Variants in PDS5B observed in about 807,000 individuals in gnomAD.
PDS5B encodes the protein PDS5 cohesin associated factor B, also known as sister chromatid cohesion protein PDS5 homolog B.
Under a neutral mutation model 184.1 loss-of-function variants are expected in PDS5B, and 51 were observed. The ratio of observed to expected loss-of-function variants is 0.28; its 90% CI spans 0.22 to 0.35. The LOEUF (loss-of-function observed/expected upper bound fraction) is 0.35. Among genes scored for constraint, PDS5B ranks in the 10% least tolerant of loss-of-function variants. The pLI is 1.00. For missense variants in PDS5B, 1,180 were observed against 1,723.3 expected (o/e 0.68, Z 5.58); for synonymous variants, 566 against 569.2 (o/e 0.99, Z 0.08).
intron 13 of PDS5B, 124 bp from the exon 14 acceptor site, chr13:32,694,099 G>A (rs966410588): frequency 1.5e-6 from 1 of 647,226 alleles, no homozygotes; most frequent in Non-Finnish European, 2.7e-6. Context: ...GCTTAGTCCT[G>A]TGAATTTCAT....
At chr13:32,698,847 G>A (rs773029485) in intron 15 of PDS5B, among the ~76,000 whole-genome samples, 5 of 151,356 alleles carry the variant, frequency 3.3e-5, no homozygotes, top group Non-Finnish European at 5.9e-5. Flanking sequence ...TCCGCCTCCC[G>A]GGTTCAAGCA....
rs9591244 is a variant in PDS5B, at chr13:32,688,349, G to A, written c.1356-107G>A. ...TGGAAATCTCATTTCCACTTAGAGCGGCAGGAACTTCTTTAATATATGTTC... is the reference window on the plus strand; with the variant it reads ...TGGAAATCTCATTTCCACTTAGAGCAGCAGGAACTTCTTTAATATATGTTC... On this transcript the variant is annotated intron_variant, in intron 12 of 34. Transcript: ENST00000315596. 2,773 of 563,922 alleles carry A rather than the reference G, an allele frequency of 4.9e-3. 52 individuals carry two copies. The highest frequency in any genetic ancestry group is 0.042 in the African/African-American group (2,229 of 52,682). The allele number at this position is 563,922 out of a possible 1,614,324, so 34.9% of individuals were successfully genotyped here.
chr13:32,607,500 G>C (rs1047802354), intron 1 of PDS5B, among the ~76,000 whole-genome samples: 1 of 152,172 alleles, frequency 6.6e-6, no homozygotes, highest in Admixed American at 6.5e-5. Flanking sequence ...TAGGCTACTC[G>C]GGGGTCAGGG....
intron 1 of PDS5B, among the ~76,000 whole-genome samples, chr13:32,621,829 T>A (rs1054807120): frequency 6.6e-6 from 1 of 152,218 alleles, no homozygotes; most frequent in African/African-American, 2.4e-5. Context: ...GTTGCTTTAG[T>A]GCTATAAATG....
Position 32,758,525 on chromosome 13 carries a change from C to T in PDS5B, c.3190-9C>T, listed in dbSNP as rs370824334. The T allele has an allele frequency of 2.5e-6, 4 of 1,604,310 alleles. No homozygotes were observed. The highest frequency in any genetic ancestry group is 1.7e-4 in the Middle Eastern group (1 of 6,020). On this transcript the variant is annotated splice_polypyrimidine_tract_variant and intron_variant, in intron 27 of 34. Coordinates refer to ENST00000315596, the MANE Select transcript of PDS5B (RefSeq NM_015032.4). ...AAGTATCTGTGTTTTTAAAAATATACTATTGCAGAAACTGTACACTGTGTG... is the reference window on the plus strand; with the variant it reads ...AAGTATCTGTGTTTTTAAAAATATATTATTGCAGAAACTGTACACTGTGTG...
chr13:32,711,405 T>G (rs961021908), intron 19 of PDS5B, among the ~76,000 whole-genome samples: 1 of 151,812 alleles, frequency 6.6e-6, no homozygotes. Context: ...TCACCCAGGT[T>G]AGAGTGCTGT....
intron 6 of PDS5B, among the ~76,000 whole-genome samples, chr13:32,665,524 G>A (rs995144660): frequency 7.5e-6 from 1 of 133,506 alleles, no homozygotes; most frequent in Non-Finnish European, 1.5e-5. Flanking sequence ...GGGAGGCAGA[G>A]CTTGCAGTGA....
intron 19 of PDS5B, among the ~76,000 whole-genome samples, chr13:32,729,799 CT>C (rs1953040931): frequency 2.7e-5 from 4 of 150,298 alleles, no homozygotes; most frequent in African/African-American, 9.8e-5. Context: ...TTGTTTTTTT[CT>C]TGTAAATTCG....
At position 32,667,834 on chromosome 13, in the gene PDS5B, A is replaced by G. The variant is rs755854224; in HGVS notation, c.695A>G (p.Tyr232Cys). The change falls in exon 7 of 35, where the codon TAT (tyrosine) becomes TGT (cysteine). Residue 232 changes from tyrosine to cysteine, a missense_variant. Transcript: ENST00000315596. ...AGGACAGCTCAAGCTATTGAGCCAT[A>G]TATTACCAATGTAAGTCTTACTTGT... ...LKRTAQAIEP[Y>C]ITNFFNQVLM... is the part of the protein sequence containing the mutation. 1 of 1,563,946 alleles carries G rather than the reference A, an allele frequency of 6.4e-7. No individual in the cohort carries two copies. Among genetic ancestry groups the G allele is most frequent in the Non-Finnish European group, 8.7e-7 (1 of 1,152,122 alleles).
intron 1 of PDS5B, among the ~76,000 whole-genome samples, chr13:32,618,030 G>A (rs2058244130): frequency 6.6e-6 from 1 of 152,172 alleles, no homozygotes; most frequent in Non-Finnish European, 1.5e-5. Flanking sequence ...GAATGATGCT[G>A]TGTTCTCATA....
chr13:32,673,246 ACAT>A lies in PDS5B; in HGVS notation c.738_740del (p.Ser247del). On this transcript the variant is annotated inframe_deletion, in exon 8 of 35. Coordinates refer to ENST00000315596, the MANE Select transcript of PDS5B (RefSeq NM_015032.4). ...TAATCAGGTTCTGATGCTTGGGAAA[ACAT>A]CTATCAGCGATTTGTCAGAGCATGT... The A allele has an allele frequency of 6.2e-7, 1 of 1,613,240 alleles. No homozygotes were observed. Among genetic ancestry groups the A allele is most frequent in the Non-Finnish European group, 8.5e-7 (1 of 1,179,682 alleles).
intron 19 of PDS5B, among the ~76,000 whole-genome samples, chr13:32,718,292 AGG>A (rs1421938040): frequency 1.1e-4 from 16 of 152,130 alleles, no homozygotes; most frequent in Non-Finnish European, 1.5e-5. Context: ...CTGGGACTAC[AGG>A]CGCCCGCCAC....
intron 7 of PDS5B, among the ~76,000 whole-genome samples, chr13:32,672,392 CAT>C (rs141412398): frequency 0.01 from 1,571 of 152,050 alleles, 36 homozygotes; most frequent in African/African-American, 0.035. Flanking sequence ...TACAGACACA[CAT>C]ATACATATAT....
Position 32,655,359 on chromosome 13 carries a change from C to CATATATAT in PDS5B, c.313-2871_313-2864dup, listed in dbSNP as rs1177251327. 1.1e-3 allele frequency among the ~76,000 whole-genome samples: 43 copies of CATATATAT among 39,582 alleles called. 2 individuals are homozygous for CATATATAT. In the East Asian group the frequency reaches 0.016, roughly 15 times the overall value. 26.0% of individuals were successfully genotyped at this position (39,582 alleles called of 152,430 possible). ...AAAAGTATCTCTTCATGTTCTTTGC[C>CATATATAT]ATATATATATATATATTTTTTTTTT... On this transcript the variant is annotated intron_variant, in intron 3 of 34. Coordinates refer to ENST00000315596, the MANE Select transcript of PDS5B (RefSeq NM_015032.4).
chr13:32,671,064 C>G (rs1950923172), intron 7 of PDS5B, among the ~76,000 whole-genome samples: 1 of 152,210 alleles, frequency 6.6e-6, no homozygotes, highest in Admixed American at 6.5e-5. Context: ...TCTACCTCCA[C>G]TAAATTTTCA....
chr13:32,762,678 C>G (rs1009303210), intron 30 of PDS5B, among the ~76,000 whole-genome samples: 1 of 152,090 alleles, frequency 6.6e-6, no homozygotes, highest in Middle Eastern at 3.2e-3. Flanking sequence ...CTCTTCCCCC[C>G]TCTATATTTT....
At chr13:32,628,914 A>G (rs1023279357) in intron 1 of PDS5B, among the ~76,000 whole-genome samples, 4 of 152,100 alleles carry the variant, frequency 2.6e-5, no homozygotes, top group African/African-American at 7.2e-5. Context: ...ATTCTAGTAC[A>G]TTTATATTGA....
At chr13:32,717,652 A>C (rs1173225763) in intron 19 of PDS5B, among the ~76,000 whole-genome samples, 2 of 141,498 alleles carry the variant, frequency 1.4e-5, no homozygotes, top group Non-Finnish European at 3.1e-5. Flanking sequence ...ACCCTGCCAA[A>C]TCCCCCTCTG....
At chr13:32,760,872 T>A (rs1194844575) in intron 30 of PDS5B, 152 bp downstream of exon 30, 6 of 756,136 alleles carry the variant, frequency 7.9e-6, no homozygotes, top group Non-Finnish European at 1.3e-5. Context: ...CACAAGTTCA[T>A]ACTTATTTGC....
Sources: allele counts gnomAD v4.1 joint callset (sites outside exome capture counted in the v4.1 genomes callset), GRCh38; gene constraint gnomAD v4.1.1; transcripts MANE v1.5; gene names NCBI Gene and HGNC (gene_info 2026-07-23, HGNC 2026-07-21).